CTNNA3: variants seen among roughly 807,000 people sequenced by gnomAD.
CTNNA3 encodes the protein catenin alpha-3.
A neutral mutation model predicts 95.7 loss-of-function variants in CTNNA3; 76 were observed. The observed-to-expected ratio is 0.79, with a 90% CI of 0.66 to 0.96. The LOEUF (loss-of-function observed/expected upper bound fraction) is 0.96. Ranked by LOEUF, CTNNA3 falls within the 40% of genes least tolerant of loss-of-function variation. The pLI is 0.00. For missense variants in CTNNA3, 1,191 were observed against 1,089.8 expected (o/e 1.09, Z -1.31); for synonymous variants, 431 against 374.4 (o/e 1.15, Z -1.74).
rs1217459528 is a variant in CTNNA3, at chr10:65,977,843, T to A, written c.2265+10849A>T. On this transcript the variant is annotated intron_variant, in intron 16 of 17. Transcript: ENST00000433211. ...AAACGAATTTTGCAATTACAGACAA[T>A]AGCCTACATTTTGCTAAGCTGGAAA... Among the ~76,000 whole-genome samples, 7 of 152,124 alleles carry A rather than the reference T, an allele frequency of 4.6e-5. No individual in the cohort carries two copies. The East Asian group carries it at 1.4e-3, about 29-fold the overall frequency.
intron 5 of CTNNA3, among the ~76,000 whole-genome samples, chr10:67,480,777 A>G (rs1848188347): frequency 6.6e-6 from 1 of 152,064 alleles, no homozygotes; most frequent in East Asian, 1.9e-4. Context: ...CCTGATTCCC[A>G]CTTTGTACTC....
At chr10:67,750,919 C>G in intron 1 of CTNNA3, 1 of 1,609,998 alleles carries the variant, frequency 6.2e-7, no homozygotes, top group South Asian at 1.1e-5. Flanking sequence ...CTACAGCCCC[C>G]TAGGCTCTCC....
intron 3 of CTNNA3, among the ~76,000 whole-genome samples, chr10:67,561,935 C>A (rs1033243348): frequency 6.6e-6 from 1 of 152,124 alleles, no homozygotes; most frequent in African/African-American, 2.4e-5. Context: ...CAAGACTAAA[C>A]CACGAAGAAG....
chr10:66,768,699 C>T (rs1435187648), intron 8 of CTNNA3, among the ~76,000 whole-genome samples: 1 of 151,844 alleles, frequency 6.6e-6, no homozygotes, highest in Non-Finnish European at 1.5e-5. Flanking sequence ...GATGGAAATT[C>T]ATGATCCCTT....
chr10:67,461,079 T>C (rs181328872), intron 5 of CTNNA3, among the ~76,000 whole-genome samples: 87 of 152,256 alleles, frequency 5.7e-4, no homozygotes, highest in African/African-American at 1.9e-3. Context: ...TCTGTCTCAC[T>C]AAAATTTACT....
At chr10:66,532,090 T>C (rs1159786961) in intron 10 of CTNNA3, among the ~76,000 whole-genome samples, 2 of 152,186 alleles carry the variant, frequency 1.3e-5, no homozygotes, top group African/African-American at 4.8e-5. Flanking sequence ...CAATTTCATA[T>C]AGACATAAAG....
At chr10:66,383,643 G>C (rs1357735019) in intron 11 of CTNNA3, among the ~76,000 whole-genome samples, 1 of 152,130 alleles carries the variant, frequency 6.6e-6, no homozygotes. Context: ...ACACATGATT[G>C]TCAGATTCAC....
chr10:67,577,501 C>T (rs573160927), intron 3 of CTNNA3, among the ~76,000 whole-genome samples: 1,910 of 152,060 alleles, frequency 0.013, 48 homozygotes, highest in African/African-American at 0.043. Flanking sequence ...ATGGTAGTTT[C>T]TTTTGCTGTG....
intron 9 of CTNNA3, among the ~76,000 whole-genome samples, chr10:66,689,350 T>C (rs1365323797): frequency 2.0e-5 from 3 of 152,198 alleles, no homozygotes; most frequent in Non-Finnish European, 4.4e-5. Context: ...AGTTGTCCCA[T>C]AAAGCTCTCT....
chr10:66,551,934 G>T (rs1419202602), intron 10 of CTNNA3, among the ~76,000 whole-genome samples: 1 of 123,900 alleles, frequency 8.1e-6, no homozygotes, highest in African/African-American at 3.1e-5. Flanking sequence ...ACAGAGTCTC[G>T]CTCTGTCGCC....
intron 5 of CTNNA3, among the ~76,000 whole-genome samples, chr10:67,514,847 G>A (rs184809917): frequency 5.3e-5 from 8 of 151,560 alleles, no homozygotes; most frequent in East Asian, 3.9e-4. Context: ...TGCCCACAAC[G>A]CAAACTACTG....
chr10:67,395,246 C>T (rs1483064442), intron 5 of CTNNA3, among the ~76,000 whole-genome samples: 4 of 152,116 alleles, frequency 2.6e-5, no homozygotes, highest in Non-Finnish European at 5.9e-5. Context: ...GCAGCTTGAC[C>T]AGCAGATGGG....
chr10:67,258,407 G>T (rs987267800), intron 5 of CTNNA3, among the ~76,000 whole-genome samples: 1 of 152,094 alleles, frequency 6.6e-6, no homozygotes, highest in Non-Finnish European at 1.5e-5. Context: ...ACCTCCCAAA[G>T]TGCTGCGATT....
At chr10:66,735,227 A>G (rs1241654402) in intron 9 of CTNNA3, among the ~76,000 whole-genome samples, 1 of 151,900 alleles carries the variant, frequency 6.6e-6, no homozygotes, top group Non-Finnish European at 1.5e-5. Flanking sequence ...GGTAATAATT[A>G]TAGAATTTTT....
At chr10:66,192,288 T>A (rs2086720414) in intron 13 of CTNNA3, among the ~76,000 whole-genome samples, 1 of 152,174 alleles carries the variant, frequency 6.6e-6, no homozygotes. Context: ...AAGAATTAAA[T>A]ATTTTCTATA....
intron 2 of CTNNA3, among the ~76,000 whole-genome samples, chr10:67,619,136 T>C (rs752274311): frequency 7.9e-5 from 12 of 151,998 alleles, no homozygotes; most frequent in South Asian, 4.2e-4. Flanking sequence ...CATCTTTGAG[T>C]TTCAAAGCTG....
At chr10:65,948,304 G>GAA (rs2077555453) in intron 17 of CTNNA3, among the ~76,000 whole-genome samples, 1 of 136,124 alleles carries the variant, frequency 7.3e-6, no homozygotes, top group African/African-American at 3.1e-5. Context: ...AAAAAAGAAA[G>GAA]AAAGAAATAC....
chr10:67,692,069 G>C (rs1228509775), intron 1 of CTNNA3, among the ~76,000 whole-genome samples: 2 of 142,540 alleles, frequency 1.4e-5, no homozygotes, highest in African/African-American at 5.4e-5. Context: ...GAGGGAGGTG[G>C]GGGGGTCAGC....
At chr10:65,985,699 C>T (rs1314360001) in intron 16 of CTNNA3, among the ~76,000 whole-genome samples, 3 of 151,326 alleles carry the variant, frequency 2.0e-5, no homozygotes, top group Non-Finnish European at 4.4e-5. Context: ...GACAGACTTT[C>T]CTGTAAGATC....
Sources: allele counts gnomAD v4.1 joint callset (sites outside exome capture counted in the v4.1 genomes callset), GRCh38; gene constraint gnomAD v4.1.1; transcripts MANE v1.5; gene names NCBI Gene and HGNC (gene_info 2026-07-23, HGNC 2026-07-21).